The following COX7B2 variants were observed in gnomAD, a reference collection of about 807,000 sequenced individuals.
The protein encoded by COX7B2 is cytochrome c oxidase subunit 7B2.
For synonymous variants in COX7B2, 37 were observed against 32.1 expected, an observed-to-expected ratio of 1.15 and a Z score of -0.51; for missense variants, 109 against 95.9, an observed-to-expected ratio of 1.14 and a Z score of -0.57.
intron 2 of COX7B2, among the ~76,000 whole-genome samples, chr4:46,765,685 C>T (rs1050547047): frequency 3.3e-5 from 5 of 152,014 alleles, no homozygotes; most frequent in East Asian, 1.9e-4. Flanking sequence ...TCAGCCCAGC[C>T]GATGTGGCCC....
chr4:46,897,168 G>A (rs890437552), intron 1 of COX7B2, among the ~76,000 whole-genome samples: 9 of 152,144 alleles, frequency 5.9e-5, no homozygotes, highest in Admixed American at 2.6e-4. Flanking sequence ...GGAACAAACA[G>A]GGTCAAGACA....
chr4:46,767,189 A>T (rs1196753716), intron 2 of COX7B2, among the ~76,000 whole-genome samples: 1 of 152,240 alleles, frequency 6.6e-6, no homozygotes, highest in East Asian at 1.9e-4. Flanking sequence ...GCAAGTGGCA[A>T]ACAAAAGAAA....
intron 2 of COX7B2, among the ~76,000 whole-genome samples, chr4:46,771,004 G>A (rs1716845038): frequency 6.6e-6 from 1 of 152,008 alleles, no homozygotes; most frequent in Non-Finnish European, 1.5e-5. Context: ...GCTTTGCAAA[G>A]CAAATCAACT....
At chr4:46,785,378 T>G (rs1337236081) in intron 2 of COX7B2, among the ~76,000 whole-genome samples, 1 of 151,438 alleles carries the variant, frequency 6.6e-6, no homozygotes, top group East Asian at 1.9e-4. Context: ...TAGAGCAATT[T>G]TTTTTTTTTT....
Position 46,848,882 on chromosome 4 carries a change from C to T in COX7B2, c.-104-3868G>A, listed in dbSNP as rs866372744. 5.3e-5 allele frequency among the ~76,000 whole-genome samples: 8 copies of T among 152,016 alleles called. No homozygotes were observed. In the Middle Eastern group the frequency reaches 0.017, roughly 323 times the overall value. Reference sequence around the variant, plus strand: ...ACCAAAATCTTCAGATGCTCAATTCCCTTATATAAAATGGTGTCATATTTG... The same window carrying T: ...ACCAAAATCTTCAGATGCTCAATTCTCTTATATAAAATGGTGTCATATTTG... On this transcript the variant is annotated intron_variant, in intron 1 of 2. Transcript: ENST00000355591.
At chr4:46,748,501 A>G (rs888302435) in intron 2 of COX7B2, among the ~76,000 whole-genome samples, 2 of 152,162 alleles carry the variant, frequency 1.3e-5, no homozygotes, top group Non-Finnish European at 2.9e-5. Context: ...CCAGGTTCAG[A>G]CAACTATTCA....
chr4:46,786,775 C>T (rs1368722847), intron 2 of COX7B2, among the ~76,000 whole-genome samples: 1 of 152,096 alleles, frequency 6.6e-6, no homozygotes, highest in African/African-American at 2.4e-5. Context: ...GGTAGGGATG[C>T]CCGGCTAGAG....
chr4:46,903,216 T>C lies in COX7B2; in HGVS notation c.-105+5944A>G, dbSNP rs1018259123. On this transcript the variant is annotated intron_variant, in intron 1 of 2. Coordinates refer to ENST00000355591, the MANE Select transcript of COX7B2 (RefSeq NM_130902.3). ...CCATTATCAAATTTTCATGCCCTTA[T>C]GAGCTACACCTTGAAAATGTTCAAA... 5.3e-5 allele frequency among the ~76,000 whole-genome samples: 8 copies of C among 152,322 alleles called. 2 individuals carry two copies. Among genetic ancestry groups the C allele is most frequent in the Admixed American group, 1.3e-4 (2 of 15,312 alleles).
chr4:46,765,698 G>T (rs892799012), intron 2 of COX7B2, among the ~76,000 whole-genome samples: 1 of 151,978 alleles, frequency 6.6e-6, no homozygotes, highest in Non-Finnish European at 1.5e-5. Flanking sequence ...TGTGGCCCCA[G>T]GCACATCACT....
chr4:46,806,909 A>G (rs1447815799), intron 2 of COX7B2, among the ~76,000 whole-genome samples: 2 of 152,050 alleles, frequency 1.3e-5, no homozygotes, highest in Non-Finnish European at 2.9e-5. Context: ...TTATTTATCC[A>G]TTCATCCAGC....
At chr4:46,905,187 T>C (rs1240609045) in intron 1 of COX7B2, among the ~76,000 whole-genome samples, 1 of 151,922 alleles carries the variant, frequency 6.6e-6, no homozygotes, top group Non-Finnish European at 1.5e-5. Context: ...ACTAAATAAA[T>C]AGAACCTGTA....
chr4:46,893,848 A>G (rs1719589300), intron 1 of COX7B2, among the ~76,000 whole-genome samples: 1 of 152,132 alleles, frequency 6.6e-6, no homozygotes, highest in African/African-American at 2.4e-5. Flanking sequence ...TGTGAGAAAA[A>G]GAATTATCTT....
intron 1 of COX7B2, among the ~76,000 whole-genome samples, chr4:46,891,439 T>C (rs1486003605): frequency 6.6e-6 from 1 of 152,084 alleles, no homozygotes; most frequent in Non-Finnish European, 1.5e-5. Context: ...GCAGAAAATA[T>C]TGACAGGGAG....
At chr4:46,790,263 T>G (rs912564097) in intron 2 of COX7B2, among the ~76,000 whole-genome samples, 1 of 152,204 alleles carries the variant, frequency 6.6e-6, no homozygotes, top group Non-Finnish European at 1.5e-5. Flanking sequence ...CTAAGGTTGG[T>G]TCTGCAGATG....
chr4:46,773,726 G>A (rs1717004821), intron 2 of COX7B2, among the ~76,000 whole-genome samples: 1 of 152,106 alleles, frequency 6.6e-6, no homozygotes, highest in Non-Finnish European at 1.5e-5. Context: ...TTAGAAAGAA[G>A]CTGAGCATCT....
chr4:46,779,932 T>A (rs1314028805), intron 2 of COX7B2, among the ~76,000 whole-genome samples: 2 of 152,154 alleles, frequency 1.3e-5, no homozygotes, highest in Non-Finnish European at 2.9e-5. Flanking sequence ...TGAATAATAT[T>A]ATATGGTATA....
chr4:46,806,211 T>C (rs527375248), intron 2 of COX7B2, among the ~76,000 whole-genome samples: 59 of 152,216 alleles, frequency 3.9e-4, no homozygotes, highest in African/African-American at 1.4e-3. Context: ...ATGTTGATGG[T>C]AACAGGTGTA....
At chr4:46,889,300 T>A (rs950048983) in intron 1 of COX7B2, among the ~76,000 whole-genome samples, 8 of 152,190 alleles carry the variant, frequency 5.3e-5, no homozygotes, top group African/African-American at 1.9e-4. Flanking sequence ...CAAACTGTAG[T>A]CCTACAATAA....
chr4:46,874,656 C>T (rs1054115144), intron 1 of COX7B2, among the ~76,000 whole-genome samples: 2 of 151,990 alleles, frequency 1.3e-5, no homozygotes, highest in South Asian at 4.1e-4. Flanking sequence ...TTTATATAGT[C>T]CCTGATGCAT....
Sources: gnomAD v4.1 joint callset for allele counts (sites outside exome capture counted in the v4.1 genomes callset) on GRCh38, gnomAD v4.1.1 for gene constraint, MANE v1.5 for transcripts, NCBI Gene and HGNC (gene_info 2026-07-23, HGNC 2026-07-21) for gene names.